Variants in PRRX2 observed in about 807,000 individuals in gnomAD.
PRRX2 encodes the protein paired mesoderm homeobox protein 2.
Under a neutral mutation model 18.0 loss-of-function variants are expected in PRRX2, and 11 were observed. That is an observed-to-expected ratio of 0.61 (90% confidence interval 0.39 to 1.01). The LOEUF is 1.01. Ranked by LOEUF, PRRX2 falls within the 50% of genes least tolerant of loss-of-function variation. The pLI, the probability that PRRX2 is intolerant of heterozygous loss-of-function variation, is 0.01. For missense variants in PRRX2, 387 were observed against 351.0 expected (o/e 1.10, Z -0.82); for synonymous variants, 177 against 154.8 (o/e 1.14, Z -1.06).
Position 129,722,430 on chromosome 9 carries a change from C to T in PRRX2, c.*78C>T. ...AGGGGGCAGACGCCCAGGAAGTGAC[C>T]TTCTCCTGGATGAGCTCTCCTGGCC... On this transcript the variant is annotated 3_prime_UTR_variant, in exon 4 of 4. Transcript: ENST00000372469. 1 of 1,537,166 alleles carries T rather than the reference C, an allele frequency of 6.5e-7. No individual in the cohort carries two copies. Among genetic ancestry groups the T allele is most frequent in the Non-Finnish European group, 8.8e-7 (1 of 1,137,118 alleles).
intron 1 of PRRX2, among the ~76,000 whole-genome samples, chr9:129,706,359 TC>T (rs752760957): frequency 1.3e-4 from 20 of 152,116 alleles, no homozygotes; most frequent in Admixed American, 2.6e-4. Context: ...GGGGGGCAGA[TC>T]ATTTGAGGTC....
At chr9:129,703,734 C>T (rs1195844266) in intron 1 of PRRX2, among the ~76,000 whole-genome samples, 1 of 152,182 alleles carries the variant, frequency 6.6e-6, no homozygotes, top group Non-Finnish European at 1.5e-5. Context: ...TCCCATGCTG[C>T]GGTGAGGGGC....
chr9:129,673,737 C>G (rs913739159), intron 1 of PRRX2, among the ~76,000 whole-genome samples: 1 of 152,094 alleles, frequency 6.6e-6, no homozygotes, highest in African/African-American at 2.4e-5. Context: ...GGAGCCCTGG[C>G]TGTTAGTGGT....
At chr9:129,706,520 G>A (rs931029206) in intron 1 of PRRX2, among the ~76,000 whole-genome samples, 2 of 151,704 alleles carry the variant, frequency 1.3e-5, no homozygotes, top group South Asian at 4.2e-4. Flanking sequence ...CCAAGTTCAC[G>A]CCACTGCACT....
chr9:129,698,531 G>C (rs751480144), intron 1 of PRRX2, among the ~76,000 whole-genome samples: 1 of 152,228 alleles, frequency 6.6e-6, no homozygotes, highest in Non-Finnish European at 1.5e-5. Context: ...CCTTGTTCCG[G>C]AAAAGGGGAG....
intron 2 of PRRX2, 100 bp from the exon 3 acceptor site, chr9:129,720,496 G>A: frequency 8.3e-7 from 1 of 1,199,932 alleles, no homozygotes; most frequent in Non-Finnish European, 1.1e-6. Context: ...AGGTGACGCT[G>A]CCAGCCCTGG....
At chr9:129,693,191 C>T (rs1466461736) in intron 1 of PRRX2, among the ~76,000 whole-genome samples, 1 of 152,120 alleles carries the variant, frequency 6.6e-6, no homozygotes, top group East Asian at 1.9e-4. Context: ...ATCTGTCTGT[C>T]TTTTTGGTGA....
In PRRX2 at chr9:129,671,320, C is replaced by T. The variant is rs1224402988; in HGVS notation, c.259+5194C>T. Among the ~76,000 whole-genome samples the T allele has an allele frequency of 6.6e-6, 1 of 152,226 alleles. No homozygotes were observed. The highest frequency in any genetic ancestry group is 1.5e-5 in the Non-Finnish European group (1 of 68,046). On this transcript the variant is annotated intron_variant, in intron 1 of 3. Transcript: ENST00000372469. The surrounding 1 kb of genome is among the most constrained non-coding windows in gnomAD (Gnocchi z 4.0). ...TAGGGCGGGACAGTGGCCTGCATCT[C>T]GGCCTTCTTTTCGCCAGGGAGGGTT...
chr9:129,700,365 G>T (rs1161060197), intron 1 of PRRX2, among the ~76,000 whole-genome samples: 11 of 146,456 alleles, frequency 7.5e-5, no homozygotes, highest in South Asian at 2.2e-4. Context: ...TTTAGATGAA[G>T]CCTCGCTCTG....
At position 129,720,641 on chromosome 9, in the gene PRRX2, G is replaced by T. The variant is rs545291388; in HGVS notation, c.493G>T (p.Ala165Ser). The change falls in exon 3 of 4, where the codon GCC (alanine) becomes TCC (serine). Residue 165 changes from alanine (A) to serine (S), a missense_variant. By Grantham distance (99) the Ala-to-Ser change is moderately conservative. Transcript: ENST00000372469. The stretch of plus-strand genomic sequence containing the variant: ...CGCCAAGTTCCGCAGGAATGAAAGG[G>T]CCATGCTGGCCAGCCGCTCTGCCTC... Reference protein sequence around the residue: ...RRAKFRRNERAMLASRSASLL... With the variant: ...RRAKFRRNERSMLASRSASLL... The T allele has an allele frequency of 3.1e-6, 5 of 1,613,224 alleles. No homozygotes were observed. The African/African-American group carries it at 5.3e-5, about 17-fold the overall frequency.
At chr9:129,682,886 CCT>C (rs1832251455) in intron 1 of PRRX2, among the ~76,000 whole-genome samples, 1 of 151,856 alleles carries the variant, frequency 6.6e-6, no homozygotes, top group Non-Finnish European at 1.5e-5. Context: ...GGGCGGATCA[CCT>C]GAGGTCAGGT....
chr9:129,721,186 G>A (rs934442566), intron 3 of PRRX2, among the ~76,000 whole-genome samples: 1 of 152,162 alleles, frequency 6.6e-6, no homozygotes, highest in Non-Finnish European at 1.5e-5. Flanking sequence ...AAACCTGCAG[G>A]AAGATTCCTA....
chr9:129,703,725 C>A (rs1019865058), intron 1 of PRRX2, among the ~76,000 whole-genome samples: 1 of 152,224 alleles, frequency 6.6e-6, no homozygotes, highest in Non-Finnish European at 1.5e-5. Flanking sequence ...TCACCACAGT[C>A]CCATGCTGCG....
intron 1 of PRRX2, among the ~76,000 whole-genome samples, chr9:129,690,752 C>T (rs1436491041): frequency 5.9e-5 from 9 of 151,800 alleles, no homozygotes; most frequent in East Asian, 5.9e-4. Context: ...ATGATCTGCC[C>T]GCCTTGGCCT....
At chr9:129,698,283 T>C in intron 1 of PRRX2, among the ~76,000 whole-genome samples, 1 of 128,062 alleles carries the variant, frequency 7.8e-6, no homozygotes, top group Non-Finnish European at 1.6e-5. Context: ...CGGGGGCACT[T>C]AGGCTCTGTC....
intron 1 of PRRX2, among the ~76,000 whole-genome samples, chr9:129,681,082 A>G (rs572087498): frequency 6.6e-6 from 1 of 152,352 alleles, no homozygotes; most frequent in African/African-American, 2.4e-5. Flanking sequence ...TAGAGCGTGC[A>G]CATGCACTCG....
At chr9:129,720,483 G>C in intron 2 of PRRX2, 113 bp from the exon 3 acceptor site, 1 of 1,021,438 alleles carries the variant, frequency 9.8e-7, no homozygotes, top group Admixed American at 2.8e-5. Context: ...CTGAGGGTCA[G>C]AGAGGTGACG....
At chr9:129,672,515 C>T (rs950480646) in intron 1 of PRRX2, among the ~76,000 whole-genome samples, 6 of 152,180 alleles carry the variant, frequency 3.9e-5, no homozygotes, top group East Asian at 1.9e-4. Flanking sequence ...CCCTGGCTCC[C>T]GGGAATGCTG....
chr9:129,711,399 CTTTTTTTT>C lies in PRRX2; in HGVS notation c.260-7815_260-7808del, dbSNP rs897807963. ...ATTCCCATTTTTCAGGTGAGATTCT[CTTTTTTTT>C]TTTTTTTTTTTTTTTTGAGACAGAG... On this transcript the variant is annotated intron_variant, in intron 1 of 3. Coordinates refer to ENST00000372469, the MANE Select transcript of PRRX2 (RefSeq NM_016307.4). Among the ~76,000 whole-genome samples, 11 of 85,046 alleles carry C rather than the reference CTTTTTTTT, an allele frequency of 1.3e-4. No homozygotes were observed. In the South Asian group the frequency reaches 3.6e-3, roughly 28 times the overall value. 55.8% of individuals were successfully genotyped at this position (85,046 alleles called of 152,430 possible).
Sources: gnomAD v4.1 joint callset for allele counts (sites outside exome capture counted in the v4.1 genomes callset) on GRCh38, gnomAD v4.1.1 for gene constraint, Gnocchi (gnomAD v3.1) non-coding constraint, MANE v1.5 for transcripts, NCBI Gene and HGNC (gene_info 2026-07-23, HGNC 2026-07-21) for gene names.